Variants in ARMC8 observed in about 807,000 individuals in gnomAD.
ARMC8 encodes armadillo repeat containing 8.
A neutral mutation model predicts 99.3 loss-of-function variants in ARMC8; 20 were observed. That is an observed-to-expected ratio of 0.20 (90% confidence interval 0.14 to 0.29). The LOEUF (loss-of-function observed/expected upper bound fraction) is 0.29. Among genes scored for constraint, ARMC8 ranks in the 10% least tolerant of loss-of-function variants. The pLI, the probability that ARMC8 is intolerant of heterozygous loss-of-function variation, is 1.00. For missense variants in ARMC8, 569 were observed against 809.5 expected (o/e 0.70, Z 3.60); for synonymous variants, 263 against 278.3 (o/e 0.95, Z 0.55).
intron 19 of ARMC8, 59 bp downstream of exon 19, chr3:138,284,585 C>T: frequency 1.6e-6 from 2 of 1,264,714 alleles, no homozygotes; most frequent in South Asian, 2.4e-5. Context: ...GCATTTTTAA[C>T]TCAAAATAAA....
intron 1 of ARMC8, among the ~76,000 whole-genome samples, chr3:138,201,412 A>G (rs1424040187): frequency 2.5e-5 from 3 of 121,010 alleles, no homozygotes; most frequent in African/African-American, 9.4e-5. Context: ...CTCTCTACCT[A>G]GAGTCCTTGT....
intron 19 of ARMC8, among the ~76,000 whole-genome samples, chr3:138,285,576 C>G (rs1470653221): frequency 1.3e-5 from 2 of 152,188 alleles, no homozygotes; most frequent in Admixed American, 1.3e-4. Flanking sequence ...TGAACTTATA[C>G]TTTCTTACTG....
chr3:138,228,115 G>C (rs1054593850), intron 5 of ARMC8, among the ~76,000 whole-genome samples: 3 of 152,224 alleles, frequency 2.0e-5, no homozygotes, highest in African/African-American at 4.8e-5. Flanking sequence ...AAGTAGCTGG[G>C]ATTACAGGCA....
intron 3 of ARMC8, 75 bp downstream of exon 3, chr3:138,222,072 C>G: frequency 9.0e-7 from 1 of 1,110,464 alleles, no homozygotes; most frequent in African/African-American, 1.6e-5. Context: ...AATTATAGAA[C>G]CCATTTTTCC....
At chr3:138,208,471 G>A (rs543793293) in intron 1 of ARMC8, among the ~76,000 whole-genome samples, 2 of 152,300 alleles carry the variant, frequency 1.3e-5, no homozygotes, top group Non-Finnish European at 2.9e-5. Context: ...CGTCTCAGGG[G>A]AGGGGGGAAG....
chr3:138,199,033 T>A (rs1176505370), intron 1 of ARMC8, among the ~76,000 whole-genome samples: 2 of 152,152 alleles, frequency 1.3e-5, no homozygotes, highest in African/African-American at 4.8e-5. Context: ...AATCTCAGTT[T>A]CCTTAGTATG....
intron 15 of ARMC8, among the ~76,000 whole-genome samples, chr3:138,269,498 C>G (rs2048578259): frequency 6.6e-6 from 1 of 152,136 alleles, no homozygotes. Context: ...ATAAGTAGTC[C>G]TGAAAATATC....
intron 12 of ARMC8, chr3:138,262,685 A>T: frequency 8.6e-7 from 1 of 1,163,376 alleles, no homozygotes; most frequent in Non-Finnish European, 1.1e-6. Flanking sequence ...CATAGGATTA[A>T]AAAAAAAAAT....
At chr3:138,191,610 A>G (rs2043387447) in intron 1 of ARMC8, among the ~76,000 whole-genome samples, 1 of 152,170 alleles carries the variant, frequency 6.6e-6, no homozygotes, top group African/African-American at 2.4e-5. Context: ...CCGTCACCGC[A>G]AAGATCTCCC....
intron 2 of ARMC8, among the ~76,000 whole-genome samples, chr3:138,215,212 ATCTTT>A (rs1211188667): frequency 1.2e-4 from 18 of 151,854 alleles, no homozygotes; most frequent in South Asian, 2.1e-4. Flanking sequence ...ATGTGTATAT[ATCTTT>A]TCTTTTCTTT....
At chr3:138,257,554 T>A (rs979411770) in intron 12 of ARMC8, among the ~76,000 whole-genome samples, 1 of 152,188 alleles carries the variant, frequency 6.6e-6, no homozygotes, top group African/African-American at 2.4e-5. Flanking sequence ...CATTCTAGTA[T>A]CTGCCTTCTT....
At chr3:138,195,161 C>T (rs573259918) in intron 1 of ARMC8, among the ~76,000 whole-genome samples, 2 of 152,016 alleles carry the variant, frequency 1.3e-5, no homozygotes, top group East Asian at 3.9e-4. Context: ...GCCTGTAGTC[C>T]CAGCTACTCG....
intron 15 of ARMC8, among the ~76,000 whole-genome samples, chr3:138,268,034 G>A (rs1201772104): frequency 6.6e-6 from 1 of 152,140 alleles, no homozygotes; most frequent in Non-Finnish European, 1.5e-5. Context: ...CTTGAGGTCA[G>A]GAGTTTGAGA....
intron 12 of ARMC8, among the ~76,000 whole-genome samples, chr3:138,253,504 C>G (rs1479006039): frequency 6.6e-6 from 1 of 152,078 alleles, no homozygotes; most frequent in Admixed American, 6.5e-5. Context: ...CATTATAGAT[C>G]CAAATTATGG....
chr3:138,237,309 G>A lies in ARMC8; in HGVS notation c.610G>A (p.Val204Ile). 5 of 1,611,732 alleles carry A rather than the reference G, an allele frequency of 3.1e-6. No homozygotes were observed. Among genetic ancestry groups the A allele is most frequent in the Non-Finnish European group, 4.2e-6 (5 of 1,179,450 alleles). The change falls in exon 8 of 22, where the codon GTT becomes ATT. Residue 204 changes from valine to isoleucine, a missense_variant and splice_region_variant. Coordinates refer to ENST00000469044, the MANE Select transcript of ARMC8 (RefSeq NM_001363941.2). ...AHLLTSLSYK[V>I]RMQALKCFSV... ...TTTGTTTGTTCATTTATTTTTACAG[G>A]TTCGAATGCAAGCACTGAAATGTTT...
At chr3:138,267,731 T>C (rs1460968784) in intron 15 of ARMC8, among the ~76,000 whole-genome samples, 1 of 152,076 alleles carries the variant, frequency 6.6e-6, no homozygotes, top group Non-Finnish European at 1.5e-5. Context: ...AATATTTGAG[T>C]ATGTATTCTT....
At position 138,228,631 on chromosome 3, in the gene ARMC8, T is replaced by C. The variant is rs1328283014; in HGVS notation, c.436-287T>C. 4.1e-5 allele frequency: 19 copies of C among 464,868 alleles called. No homozygotes were observed. The Admixed American group carries it at 4.6e-4, about 11-fold the overall frequency. The allele number at this position is 464,868 out of a possible 1,614,324, so 28.8% of individuals were successfully genotyped here. ...CAGAACTGATTTCTGTCACTTCTTA[T>C]TGAAATGATTTTATCATGAGGATGT... On this transcript the variant is annotated intron_variant, in intron 5 of 21. Coordinates refer to ENST00000469044, the MANE Select transcript of ARMC8 (RefSeq NM_001363941.2).
At chr3:138,251,135 A>G (rs2047105789) in intron 12 of ARMC8, among the ~76,000 whole-genome samples, 1 of 151,392 alleles carries the variant, frequency 6.6e-6, no homozygotes, top group African/African-American at 2.4e-5. Context: ...CTACTGCACT[A>G]CAGCCTAGGT....
chr3:138,242,739 C>G (rs537810540), intron 11 of ARMC8, among the ~76,000 whole-genome samples: 2 of 152,312 alleles, frequency 1.3e-5, no homozygotes, highest in Admixed American at 6.5e-5. Context: ...CCAATGGTAA[C>G]TATTCTCCTT....
Sources: allele counts gnomAD v4.1 joint callset (sites outside exome capture counted in the v4.1 genomes callset), GRCh38; gene constraint gnomAD v4.1.1; transcripts MANE v1.5; gene names NCBI Gene and HGNC (gene_info 2026-07-23, HGNC 2026-07-21).